Variants in DGUOK observed in about 807,000 individuals in gnomAD.
The protein encoded by DGUOK is deoxyguanosine kinase, mitochondrial.
A neutral mutation model predicts 36.6 loss-of-function variants in DGUOK; 30 were observed. The observed-to-expected ratio is 0.82, with a 90% CI of 0.61 to 1.11. DGUOK has a LOEUF of 1.11. Among genes scored for constraint, DGUOK ranks in the 50% most tolerant of loss-of-function variants. The pLI is 0.00. For synonymous variants in DGUOK, 145 were observed against 126.3 expected, an observed-to-expected ratio of 1.15 and a Z score of -0.99; for missense variants, 361 against 336.4, an observed-to-expected ratio of 1.07 and a Z score of -0.57.
intron 2 of DGUOK, among the ~76,000 whole-genome samples, chr2:73,941,718 A>G (rs980368583): frequency 2.6e-5 from 4 of 152,172 alleles, no homozygotes; most frequent in Middle Eastern, 3.4e-3. Context: ...GATGAATATC[A>G]TTGTAGCTAT....
rs772174181 is a variant in DGUOK, at chr2:73,957,194, C to G, written c.661C>G (p.Gln221Glu). Residue 221 changes from glutamine (Q) to glutamate (E), a missense_variant, in exon 5 of 7, where the codon CAG (glutamine) becomes GAG (glutamate). Coordinates refer to ENST00000264093, the MANE Select transcript of DGUOK (RefSeq NM_080916.3). The stretch of plus-strand genomic sequence containing the variant: ...AGGAATTGAGCTGGCCTATCTAGAG[C>G]AGCTGCATGGCCAACACGAAGCCTG... ...EKGIELAYLE[Q>E]LHGQHEAWLI... 2 of 1,614,142 alleles carry G rather than the reference C, an allele frequency of 1.2e-6. No individual in the cohort carries two copies. The highest frequency in any genetic ancestry group is 3.3e-5 in the Admixed American group (2 of 60,020).
rs954458839 is a variant in DGUOK, at chr2:73,946,778, A to T, written c.315A>T (p.Arg105=). 2 of 1,614,128 alleles carry T rather than the reference A, an allele frequency of 1.2e-6. No individual in the cohort carries two copies. Among genetic ancestry groups the T allele is most frequent in the Non-Finnish European group, 1.7e-6 (2 of 1,180,020 alleles). Residue 105 remains arginine, a synonymous_variant, in exon 3 of 7, where the codon CGA becomes CGT. Transcript: ENST00000264093. ...LLDMMYREPA[R]WSYTFQTFSF... ...ATATGATGTACCGGGAGCCAGCACG[A>T]TGGTCCTACACATTCCAGACATTTT...
At chr2:73,928,328 A>T (rs1197319454) in intron 1 of DGUOK, among the ~76,000 whole-genome samples, 3 of 152,168 alleles carry the variant, frequency 2.0e-5, no homozygotes, top group East Asian at 3.9e-4. Flanking sequence ...GGGTTTCACC[A>T]TGTTGGCCAG....
intron 3 of DGUOK, among the ~76,000 whole-genome samples, 163 bp from the exon 4 acceptor site, chr2:73,950,422 A>G (rs1464320004): frequency 6.6e-6 from 1 of 152,166 alleles, no homozygotes; most frequent in Non-Finnish European, 1.5e-5. Flanking sequence ...TGGGTTAAGA[A>G]TTCAGATTTC....
chr2:73,944,984 G>A (rs909376981), intron 2 of DGUOK, among the ~76,000 whole-genome samples: 1 of 152,170 alleles, frequency 6.6e-6, no homozygotes, highest in Non-Finnish European at 1.5e-5. Flanking sequence ...GGGAAATCCC[G>A]AAAATACCTC....
intron 5 of DGUOK, among the ~76,000 whole-genome samples, chr2:73,957,803 A>G (rs987154643): frequency 3.3e-5 from 5 of 152,236 alleles, no homozygotes; most frequent in Non-Finnish European, 7.3e-5. Context: ...TAGTTGGCTC[A>G]GCATGAAGGG....
intron 1 of DGUOK, among the ~76,000 whole-genome samples, chr2:73,929,229 C>G (rs1243073091): frequency 2.0e-5 from 3 of 152,214 alleles, no homozygotes; most frequent in Non-Finnish European, 2.9e-5. Context: ...CCACCTTAGC[C>G]TCTTGAGTAG....
At chr2:73,946,996 G>C in intron 3 of DGUOK, 90 bp downstream of exon 3, 1 of 1,191,074 alleles carries the variant, frequency 8.4e-7, no homozygotes, top group Non-Finnish European at 1.2e-6. Context: ...TATGGTCACT[G>C]ATGATTATAA....
chr2:73,933,179 A>C (rs1421148150), intron 1 of DGUOK, among the ~76,000 whole-genome samples: 1 of 152,216 alleles, frequency 6.6e-6, no homozygotes, highest in Admixed American at 6.5e-5. Context: ...TATGTGTCTT[A>C]CTTATTTTAA....
intron 3 of DGUOK, among the ~76,000 whole-genome samples, chr2:73,949,695 T>C (rs1174815812): frequency 6.6e-6 from 1 of 152,204 alleles, no homozygotes; most frequent in Non-Finnish European, 1.5e-5. Context: ...TTTTATTTTC[T>C]CCAAAGTGGC....
At chr2:73,932,061 A>G (rs778237267) in intron 1 of DGUOK, among the ~76,000 whole-genome samples, 6 of 152,180 alleles carry the variant, frequency 3.9e-5, no homozygotes, top group African/African-American at 1.4e-4. Flanking sequence ...GTTCTGAGAC[A>G]GATTGGAATA....
intron 1 of DGUOK, among the ~76,000 whole-genome samples, 196 bp downstream of exon 1, chr2:73,927,248 C>G (rs1442543916): frequency 6.6e-6 from 1 of 152,184 alleles, no homozygotes; most frequent in East Asian, 1.9e-4. Context: ...GGCCTCAGTA[C>G]CCGCCCACAG....
intron 2 of DGUOK, among the ~76,000 whole-genome samples, chr2:73,944,203 G>A (rs1682118109): frequency 6.6e-6 from 1 of 151,944 alleles, no homozygotes; most frequent in African/African-American, 2.4e-5. Context: ...ATTTTTTTGT[G>A]GAGACAGAGT....
At chr2:73,958,661 A>G (rs371083959) in intron 6 of DGUOK, 49 bp from the exon 7 acceptor site, 9 of 1,550,974 alleles carry the variant, frequency 5.8e-6, no homozygotes, top group East Asian at 2.2e-5. Flanking sequence ...ACCATTGAAA[A>G]TTCTGTTAAA....
At chr2:73,948,443 G>C (rs1682489030) in intron 3 of DGUOK, among the ~76,000 whole-genome samples, 1 of 152,216 alleles carries the variant, frequency 6.6e-6, no homozygotes, top group Non-Finnish European at 1.5e-5. Flanking sequence ...GGGCATTTTC[G>C]AGACAGAAAG....
chr2:73,933,723 C>G (rs921277332), intron 1 of DGUOK, among the ~76,000 whole-genome samples: 2 of 151,888 alleles, frequency 1.3e-5, no homozygotes, highest in Non-Finnish European at 2.9e-5. Context: ...TGCCTTTAAG[C>G]TTGGAGCCTG....
At chr2:73,951,126 AGAG>A (rs1010657792) in intron 4 of DGUOK, among the ~76,000 whole-genome samples, 3 of 152,116 alleles carry the variant, frequency 2.0e-5, no homozygotes, top group African/African-American at 7.2e-5. Flanking sequence ...GTGAGGAGGA[AGAG>A]GAGAATTTTC....
In DGUOK at chr2:73,958,171, A is replaced by G. The variant is rs537118431; in HGVS notation, c.733A>G (p.Ile245Val). The change falls in exon 6 of 7, where the codon ATT (isoleucine) becomes GTT (valine). Residue 245 changes from isoleucine to valine, a missense_variant. Ile to Val is a conservative substitution (Grantham distance 29). Transcript: ENST00000264093. ...TKLHFEALMN[I>V]PVLVLDVNDD... is the part of the protein sequence containing the mutation. ...GCTCCACTTTGAGGCTCTGATGAAC[A>G]TTCCAGTGCTGGTGTTGGATGTCAA... 1.2e-6 allele frequency: 2 copies of G among 1,613,884 alleles called. No individual in the cohort carries two copies. Among genetic ancestry groups the G allele is most frequent in the South Asian group, 1.1e-5 (1 of 91,062 alleles).
At chr2:73,955,862 G>C (rs888657138) in intron 4 of DGUOK, among the ~76,000 whole-genome samples, 1 of 152,088 alleles carries the variant, frequency 6.6e-6, no homozygotes, top group African/African-American at 2.4e-5. Context: ...AACAGAGCAA[G>C]ACTCTGTCTC....
Sources: allele counts gnomAD v4.1 joint callset (sites outside exome capture counted in the v4.1 genomes callset), GRCh38; gene constraint gnomAD v4.1.1; transcripts MANE v1.5; gene names NCBI Gene and HGNC (gene_info 2026-07-23, HGNC 2026-07-21).